Variants in WNT3 observed in about 807,000 individuals in gnomAD.
The protein encoded by WNT3 is Wnt family member 3, also known as proto-oncogene Wnt-3.
A neutral mutation model predicts 34.2 loss-of-function variants in WNT3; 7 were observed. That is an observed-to-expected ratio of 0.20 (90% CI 0.12 to 0.38). The LOEUF (loss-of-function observed/expected upper bound fraction) is 0.38, where lower values mean the gene tolerates loss of function less well. Among genes scored for constraint, WNT3 ranks in the 10% least tolerant of loss-of-function variants. WNT3 has a pLI of 1.00. For missense variants in WNT3, 267 were observed against 499.8 expected, an observed-to-expected ratio of 0.53 and a Z score of 4.44; for synonymous variants, 212 against 211.5, an observed-to-expected ratio of 1.00 and a Z score of -0.02.
intron 1 of WNT3, among the ~76,000 whole-genome samples, chr17:46,789,595 C>CTTCTTA (rs72159726): frequency 6.6e-6 from 1 of 151,346 alleles, no homozygotes; most frequent in Non-Finnish European, 1.5e-5. Context: ...GAGGTAACCT[C>CTTCTTA]TCAGGGAACA....
chr17:46,776,358 G>C (rs2059411983), intron 1 of WNT3, among the ~76,000 whole-genome samples: 2 of 152,244 alleles, frequency 1.3e-5, no homozygotes, highest in Non-Finnish European at 1.5e-5. Context: ...AAGCAGGTTA[G>C]AGTGATCATA....
intron 2 of WNT3, among the ~76,000 whole-genome samples, chr17:46,770,800 C>T (rs940847670): frequency 6.6e-6 from 1 of 152,220 alleles, no homozygotes; most frequent in Non-Finnish European, 1.5e-5. Context: ...GTGCTCCAGC[C>T]TCCTCACAAC....
intron 1 of WNT3, among the ~76,000 whole-genome samples, chr17:46,774,170 G>A (rs1339716004): frequency 6.6e-6 from 1 of 152,242 alleles, no homozygotes; most frequent in Non-Finnish European, 1.5e-5. Context: ...GCCCTTGGGG[G>A]CAATGCAAAG....
chr17:46,782,869 G>T (rs2059473684), intron 1 of WNT3, among the ~76,000 whole-genome samples: 1 of 152,220 alleles, frequency 6.6e-6, no homozygotes, highest in South Asian at 2.1e-4. Flanking sequence ...CACCCTGCGG[G>T]TACTGAGCAC....
Position 46,763,547 on chromosome 17 carries a change from G to C in WNT3, c.*1083C>G, listed in dbSNP as rs567582939. 2 of 152,282 alleles carry C rather than the reference G, an allele frequency of 1.3e-5. No homozygotes were observed. Among genetic ancestry groups the C allele is most frequent in the Non-Finnish European group, 2.9e-5 (2 of 68,032 alleles). 9.4% of individuals were successfully genotyped at this position (152,282 alleles called of 1,614,324 possible). A position where few individuals can be genotyped will look rare whatever the true frequency, so the allele number is the denominator to read the frequency against. On this transcript the variant is annotated 3_prime_UTR_variant, in exon 5 of 5. Transcript: ENST00000225512. ...CAGTAAGATGGGTCCGTATTGGAGA[G>C]GAAGCAAAGGGATGGTTTTCATCCT...
intron 1 of WNT3, 67 bp from the exon 2 acceptor site, chr17:46,773,976 C>T: frequency 3.2e-6 from 5 of 1,569,250 alleles, no homozygotes; most frequent in Non-Finnish European, 3.4e-6. Flanking sequence ...GGCACCATGG[C>T]CGCTTTGTGA....
intron 1 of WNT3, among the ~76,000 whole-genome samples, chr17:46,781,489 A>G (rs199507): frequency 0.84 from 127,625 of 151,858 alleles, 53,931 homozygotes; most frequent in East Asian, 1. Context: ...AGCGACAGCA[A>G]CCAGACACAT....
At chr17:46,791,205 G>A (rs959645228) in intron 1 of WNT3, among the ~76,000 whole-genome samples, 2 of 151,508 alleles carry the variant, frequency 1.3e-5, no homozygotes, top group Non-Finnish European at 2.9e-5. Flanking sequence ...CCAGGACTTC[G>A]CTTTCCTTAC....
At chr17:46,775,514 C>T (rs568796666) in intron 1 of WNT3, among the ~76,000 whole-genome samples, 5 of 152,056 alleles carry the variant, frequency 3.3e-5, no homozygotes, top group Non-Finnish European at 5.9e-5. Context: ...AACTGAGGAG[C>T]CAGATCTGGG....
chr17:46,813,406 A>T (rs1453755874), intron 1 of WNT3, among the ~76,000 whole-genome samples: 3 of 136,446 alleles, frequency 2.2e-5, no homozygotes, highest in African/African-American at 8.4e-5. Context: ...CACTCTCACC[A>T]TTTTCCAGCA....
At position 46,768,330 on chromosome 17, in the gene WNT3, G is replaced by C; in HGVS notation, c.1058C>G (p.Thr353Ser). 1 of 1,613,662 alleles carries C rather than the reference G, an allele frequency of 6.2e-7. No homozygotes were observed. ...GCCCTACCTGGTGCCCTACTTGCAG[G>C]TGTGCACGTCGTAGATGCGAATACA... ...QECIRIYDVH[T>S]CK Residue 353 changes from threonine to serine, a missense_variant, in exon 4 of 5, where the codon ACC (threonine) becomes AGC (serine). Thr to Ser is a moderately conservative substitution (Grantham distance 58, BLOSUM62 1). Transcript: ENST00000225512. The surrounding 1 kb of genome is among the most constrained non-coding windows in gnomAD (Gnocchi z 5.0).
Position 46,818,600 on chromosome 17 carries a change from G to A in WNT3, c.-3C>T. On this transcript the variant is annotated 5_prime_UTR_variant, in exon 1 of 5. Coordinates refer to ENST00000225512, the MANE Select transcript of WNT3 (RefSeq NM_030753.5). ...AGCCCGAGCAGGTGGGGCTCCATTA[G>A]AAGAGGCGCCGAGGAGGAAGTTTGC... 2 of 1,595,270 alleles carry A rather than the reference G, an allele frequency of 1.3e-6. No homozygotes were observed. Among genetic ancestry groups the A allele is most frequent in the Admixed American group, 1.7e-5 (1 of 57,588 alleles).
intron 1 of WNT3, among the ~76,000 whole-genome samples, chr17:46,780,958 G>A (rs911932087): frequency 5.3e-5 from 8 of 152,202 alleles, no homozygotes; most frequent in Non-Finnish European, 7.4e-5. Context: ...GGAAGGAAGC[G>A]GGTGTGGTGG....
intron 1 of WNT3, among the ~76,000 whole-genome samples, chr17:46,794,177 A>G (rs1471170566): frequency 6.6e-6 from 1 of 151,996 alleles, no homozygotes; most frequent in Non-Finnish European, 1.5e-5. Context: ...GGGTGGATAA[A>G]CCACAAGACC....
chr17:46,784,341 G>A (rs1314087330), intron 1 of WNT3, among the ~76,000 whole-genome samples: 2 of 152,158 alleles, frequency 1.3e-5, no homozygotes, highest in African/African-American at 2.4e-5. Context: ...GGGACTTCCA[G>A]GCACCACGTA....
At chr17:46,794,902 C>G (rs1378219890) in intron 1 of WNT3, among the ~76,000 whole-genome samples, 2 of 152,016 alleles carry the variant, frequency 1.3e-5, no homozygotes, top group Non-Finnish European at 2.9e-5. Flanking sequence ...AGGCACCCAC[C>G]ACCATGCTTG....
rs1315581666 is a variant in WNT3, at chr17:46,770,129, G to A, written c.323-81C>T. The A allele has an allele frequency of 1.2e-5, 18 of 1,456,770 alleles. No individual in the cohort carries two copies. In the Admixed American group the frequency reaches 3.4e-4, roughly 27 times the overall value. The allele number at this position is 1,456,770 out of a possible 1,614,324, so 90.2% of individuals were successfully genotyped here. On this transcript the variant is annotated intron_variant, in intron 2 of 4. Coordinates refer to ENST00000225512, the MANE Select transcript of WNT3 (RefSeq NM_030753.5). ...CTGCCTCCACCTCCCAGGCCAGGAC[G>A]TGAGGGGAACGAGGCCAGGAAGAGT...
chr17:46,790,103 T>A (rs1347106631), intron 1 of WNT3, among the ~76,000 whole-genome samples: 1 of 152,058 alleles, frequency 6.6e-6, no homozygotes, highest in Non-Finnish European at 1.5e-5. Context: ...GGCGAGGCAG[T>A]CCAGAGCGAG....
chr17:46,779,448 G>A (rs921162405), intron 1 of WNT3, among the ~76,000 whole-genome samples: 7 of 152,072 alleles, frequency 4.6e-5, no homozygotes, highest in Non-Finnish European at 8.8e-5. Flanking sequence ...CCTTCCCTAG[G>A]ACCCTGCCAC....
Sources: allele counts gnomAD v4.1 joint callset (sites outside exome capture counted in the v4.1 genomes callset), GRCh38; gene constraint gnomAD v4.1.1; non-coding constraint Gnocchi (gnomAD v3.1); transcripts MANE v1.5; gene names NCBI Gene and HGNC (gene_info 2026-07-23, HGNC 2026-07-21).